The following LRMDA variants were observed in gnomAD, a reference collection of about 807,000 sequenced individuals.
LRMDA encodes leucine rich melanocyte differentiation associated, also known as leucine-rich melanocyte differentiation-associated protein.
LRMDA carries 18 observed loss-of-function variants against 29.8 expected under a neutral mutation model. That is an observed-to-expected ratio of 0.60 (90% CI 0.42 to 0.90). The LOEUF is 0.90. Ranked by LOEUF, LRMDA falls within the 40% of genes least tolerant of loss-of-function variation. The pLI, the probability that LRMDA is intolerant of heterozygous loss-of-function variation, is 0.00. For synonymous variants in LRMDA, 125 were observed against 109.4 expected, an observed-to-expected ratio of 1.14 and a Z score of -0.89; for missense variants, 273 against 273.9, an observed-to-expected ratio of 1.00 and a Z score of 0.02.
At chr10:75,968,729 C>T (rs958307071) in intron 2 of LRMDA, among the ~76,000 whole-genome samples, 31 of 152,206 alleles carry the variant, frequency 2.0e-4, no homozygotes, top group African/African-American at 7.5e-4. Flanking sequence ...TTTTTCCTCT[C>T]ATTCCTGTCC....
At chr10:75,463,063 T>C (rs1844606321) in intron 2 of LRMDA, among the ~76,000 whole-genome samples, 2 of 152,128 alleles carry the variant, frequency 1.3e-5, no homozygotes, top group African/African-American at 4.8e-5. Flanking sequence ...CAGTTGCCGC[T>C]GGTGAGAGAG....
At chr10:75,948,690 C>G (rs1170941174) in intron 2 of LRMDA, among the ~76,000 whole-genome samples, 9 of 152,116 alleles carry the variant, frequency 5.9e-5, no homozygotes, top group African/African-American at 2.2e-4. Flanking sequence ...TTAATCTCTT[C>G]TATGTGAGAC....
chr10:75,626,595 T>C (rs1052328615), intron 2 of LRMDA, among the ~76,000 whole-genome samples: 5 of 152,138 alleles, frequency 3.3e-5, no homozygotes, highest in Admixed American at 6.5e-5. Flanking sequence ...TCATGGAGTT[T>C]TGGATGTTTT....
intron 5 of LRMDA, among the ~76,000 whole-genome samples, chr10:76,201,073 ATTT>A: frequency 2.6e-5 from 1 of 38,274 alleles, no homozygotes; most frequent in Non-Finnish European, 4.9e-5. Context: ...TATTATTTTT[ATTT>A]ATTTATTTAT....
Position 76,336,943 on chromosome 10 carries a change from A to AC in LRMDA, c.601+12464dup, listed in dbSNP as rs996886241. Among the ~76,000 whole-genome samples the AC allele has an allele frequency of 6.0e-5, 9 of 150,136 alleles. 1 individual carries two copies. Among genetic ancestry groups the AC allele is most frequent in the African/African-American group, 2.2e-4 (9 of 40,708 alleles). ...TCCTTGTTATGTCTAATTTCTCCCCACCCCCCTTTTTTTAATCTGCCTCCT... is the reference window on the plus strand; with the variant it reads ...TCCTTGTTATGTCTAATTTCTCCCCACCCCCCCTTTTTTTAATCTGCCTCCT... On this transcript the variant is annotated intron_variant, in intron 6 of 6. Transcript: ENST00000611255.
intron 2 of LRMDA, among the ~76,000 whole-genome samples, chr10:75,931,649 C>T (rs1385271730): frequency 6.6e-6 from 1 of 152,186 alleles, no homozygotes; most frequent in Non-Finnish European, 1.5e-5. Context: ...AGCTTCTGCT[C>T]AAGGAAGTCC....
chr10:75,475,499 A>G (rs1388460859), intron 2 of LRMDA, among the ~76,000 whole-genome samples: 2 of 152,216 alleles, frequency 1.3e-5, no homozygotes, highest in African/African-American at 4.8e-5. Flanking sequence ...TGGATCACTG[A>G]GTCCTGCTCA....
At chr10:75,497,620 C>G (rs1009526555) in intron 2 of LRMDA, among the ~76,000 whole-genome samples, 12 of 152,008 alleles carry the variant, frequency 7.9e-5, no homozygotes, top group East Asian at 7.7e-4. Context: ...CTGCTCCCTC[C>G]CCTCCATAGG....
chr10:76,298,176 AG>A (rs1840435949), intron 5 of LRMDA, among the ~76,000 whole-genome samples: 2 of 152,252 alleles, frequency 1.3e-5, no homozygotes, highest in Non-Finnish European at 2.9e-5. Context: ...TCAGTCAAGT[AG>A]AACTGGTAAA....
intron 2 of LRMDA, among the ~76,000 whole-genome samples, chr10:76,033,736 A>G (rs1356990191): frequency 6.6e-6 from 1 of 152,064 alleles, no homozygotes; most frequent in South Asian, 2.1e-4. Context: ...AAGGCTCCCT[A>G]AGGGGAAGTG....
chr10:75,746,491 G>A (rs1489748117), intron 2 of LRMDA, among the ~76,000 whole-genome samples: 3 of 152,288 alleles, frequency 2.0e-5, no homozygotes, highest in South Asian at 2.1e-4. Flanking sequence ...AGAGACACAC[G>A]TACACTTTTG....
At chr10:76,159,533 A>G (rs1185847752) in intron 5 of LRMDA, among the ~76,000 whole-genome samples, 2 of 152,170 alleles carry the variant, frequency 1.3e-5, no homozygotes, top group African/African-American at 4.8e-5. Flanking sequence ...ACTCCTTGGT[A>G]TTTACTCAAA....
At chr10:76,161,640 A>G (rs1564671378) in intron 5 of LRMDA, among the ~76,000 whole-genome samples, 2 of 152,204 alleles carry the variant, frequency 1.3e-5, no homozygotes, top group East Asian at 3.8e-4. Context: ...TCAGACTACA[A>G]CGCATGAAAC....
intron 2 of LRMDA, among the ~76,000 whole-genome samples, chr10:75,604,126 T>G (rs1243046657): frequency 6.6e-6 from 1 of 152,178 alleles, no homozygotes; most frequent in East Asian, 1.9e-4. Context: ...ATCTTAAAAT[T>G]CAATCAGTTA....
intron 1 of LRMDA, among the ~76,000 whole-genome samples, chr10:75,437,362 A>G (rs1198885959): frequency 6.6e-6 from 1 of 152,180 alleles, no homozygotes; most frequent in Non-Finnish European, 1.5e-5. Context: ...ATCTTTGTCT[A>G]TATGTGTGGA....
intron 5 of LRMDA, among the ~76,000 whole-genome samples, chr10:76,287,132 G>A (rs1000351468): frequency 6.6e-6 from 1 of 152,108 alleles, no homozygotes; most frequent in African/African-American, 2.4e-5. Flanking sequence ...ATCCCTAAGG[G>A]ATTTCTTTTA....
intron 2 of LRMDA, among the ~76,000 whole-genome samples, chr10:75,789,333 C>T: frequency 6.6e-6 from 1 of 152,294 alleles, no homozygotes; most frequent in Non-Finnish European, 1.5e-5. Flanking sequence ...GGCTTCTGCT[C>T]ATGGAAAGAT....
intron 2 of LRMDA, among the ~76,000 whole-genome samples, chr10:75,615,502 A>G (rs960084539): frequency 6.6e-5 from 10 of 152,152 alleles, no homozygotes; most frequent in Non-Finnish European, 1.3e-4. Flanking sequence ...GGTTTTTCAG[A>G]TTAGGAATAC....
chr10:75,575,723 A>G (rs1439601894), intron 2 of LRMDA, among the ~76,000 whole-genome samples: 2 of 152,114 alleles, frequency 1.3e-5, no homozygotes, highest in African/African-American at 2.4e-5. Context: ...AAGGAGGGTG[A>G]GCCGAAGCAG....
Sources: allele counts gnomAD v4.1 joint callset (sites outside exome capture counted in the v4.1 genomes callset), GRCh38; gene constraint gnomAD v4.1.1; transcripts MANE v1.5; gene names NCBI Gene and HGNC (gene_info 2026-07-23, HGNC 2026-07-21).